RYR1: variants seen among roughly 807,000 people sequenced by gnomAD.
RYR1 encodes the protein central core disease of muscle.
RYR1 carries 342 observed loss-of-function variants against 583.5 expected under a neutral mutation model. The ratio of observed to expected loss-of-function variants is 0.59; its 90% CI spans 0.54 to 0.64. The LOEUF (loss-of-function observed/expected upper bound fraction) is 0.64, where lower values mean the gene tolerates loss of function less well. RYR1 is among the 30% of genes least tolerant of loss of function. RYR1 has a pLI of 0.00. For missense variants in RYR1, 6,032 were observed against 6,917.2 expected (o/e 0.87, Z 4.54); for synonymous variants, 2,791 against 2,822.5 (o/e 0.99, Z 0.35).
intron 54 of RYR1, 103 bp downstream of exon 54, chr19:38,506,049 G>A: frequency 6.7e-7 from 1 of 1,489,110 alleles, no homozygotes; most frequent in Non-Finnish European, 9.1e-7. Context: ...AGGGGCCCAG[G>A]GAGGTAGGTG....
In RYR1 at chr19:38,499,772, G is replaced by A; in HGVS notation, c.7165G>A (p.Asp2389Asn). The A allele has an allele frequency of 6.2e-7, 1 of 1,602,968 alleles. No homozygotes were observed. Among genetic ancestry groups the A allele is most frequent in the Non-Finnish European group, 8.5e-7 (1 of 1,179,088 alleles). Residue 2389 changes from aspartate (D) to asparagine (N), a missense_variant, in exon 44 of 106, where the codon GAC (aspartate) becomes AAC (asparagine). This residue lies in a region of RYR1 where 2,627 missense variants were observed against 2,961.3 expected (regional missense o/e 0.89). Coordinates refer to ENST00000359596, the MANE Select transcript of RYR1 (RefSeq NM_000540.3). This position sits in a 1 kb window ranked among gnomAD's most constrained non-coding sequence, Gnocchi z 7.3. The stretch of plus-strand genomic sequence containing the variant: ...CGAAGAGGCCATCCGCATCTCCGAG[G>A]ACCCTGCGAGGGATGGCCCAGGCAT... ...AIEEAIRISEDPARDGPGIRR... is the reference protein window; with the variant it reads ...AIEEAIRISENPARDGPGIRR...
chr19:38,478,315 C>T (rs1056971373), intron 30 of RYR1, 120 bp from the exon 31 acceptor site: 21 of 1,077,330 alleles, frequency 1.9e-5, no homozygotes, highest in Admixed American at 3.8e-5. Flanking sequence ...GGTCTGCAGG[C>T]GGTGGGTGTT....
intron 20 of RYR1, among the ~76,000 whole-genome samples, 197 bp downstream of exon 20, chr19:38,460,788 G>A (rs1967695969): frequency 6.6e-6 from 1 of 152,182 alleles, no homozygotes; most frequent in South Asian, 2.1e-4. Flanking sequence ...GACCAGCCTG[G>A]CCAACACGGT....
intron 92 of RYR1, among the ~76,000 whole-genome samples, chr19:38,567,352 T>G (rs1040144689): frequency 6.6e-6 from 1 of 151,722 alleles, no homozygotes; most frequent in Admixed American, 6.6e-5. Flanking sequence ...TATGGAGAGA[T>G]AGAAAAATGA....
At position 38,587,360 on chromosome 19, in the gene RYR1, T is replaced by C. The variant is rs1407427656; in HGVS notation, c.15057T>C (p.Cys5019=). 4 of 1,614,038 alleles carry C rather than the reference T, an allele frequency of 2.5e-6. No homozygotes were observed. Among genetic ancestry groups the C allele is most frequent in the South Asian group, 2.2e-5 (2 of 91,084 alleles). The change falls in exon 106 of 106, where the codon TGT becomes TGC. Residue 5019 remains cysteine (C), a synonymous_variant. Coordinates refer to ENST00000359596, the MANE Select transcript of RYR1 (RefSeq NM_000540.3). Reference sequence around the variant, plus strand: ...TCTGGAAGATGTACCAAGAGAGATGTTGGGATTTCTTCCCAGCTGGTGATT... The same window carrying C: ...TCTGGAAGATGTACCAAGAGAGATGCTGGGATTTCTTCCCAGCTGGTGATT... The part of the protein sequence containing the change: ...SYVWKMYQER[C]WDFFPAGDCF...
Position 38,464,668 on chromosome 19 carries a change from G to T in RYR1, c.2816G>T (p.Gly939Val), listed in dbSNP as rs1446496614. The change falls in exon 23 of 106, where the codon GGC becomes GTC. Residue 939 changes from glycine to valine, a missense_variant. Around this residue, in one of 11 missense-constraint regions of RYR1, gnomAD observed 2,627 missense variants for 2,961.3 expected, o/e 0.89. Coordinates refer to ENST00000359596, the MANE Select transcript of RYR1 (RefSeq NM_000540.3). Reference sequence around the variant, plus strand: ...CTGCTGGCTCTGGGCTGCCACGTGGGCATGGCGGATGAGAAGGCGGAGGAC... The same window carrying T: ...CTGCTGGCTCTGGGCTGCCACGTGGTCATGGCGGATGAGAAGGCGGAGGAC... ...KTLLALGCHV[G>V]MADEKAEDNL... The T allele has an allele frequency of 6.3e-7, 1 of 1,593,152 alleles. No individual in the cohort carries two copies. Among genetic ancestry groups the T allele is most frequent in the African/African-American group, 1.3e-5 (1 of 74,770 alleles).
At chr19:38,530,430 ATTTT>A (rs142263877) in intron 76 of RYR1, among the ~76,000 whole-genome samples, 1 of 128,662 alleles carries the variant, frequency 7.8e-6, no homozygotes. Context: ...ATGCCTGGCT[ATTTT>A]TTTTTTTTTT....
chr19:38,529,883 C>T (rs1971653835), intron 76 of RYR1, among the ~76,000 whole-genome samples: 1 of 152,176 alleles, frequency 6.6e-6, no homozygotes, highest in South Asian at 2.1e-4. Context: ...TCTATATCCT[C>T]TCACTTAACC....
chr19:38,465,013 G>A (rs1455747350), intron 23 of RYR1, among the ~76,000 whole-genome samples: 1 of 152,120 alleles, frequency 6.6e-6, no homozygotes, highest in Non-Finnish European at 1.5e-5. Context: ...GTCCACGTAA[G>A]GGGTAAGGGG....
Position 38,444,463 on chromosome 19 carries a change from G to T in RYR1, c.538-121G>T, listed in dbSNP as rs1972841142. On this transcript the variant is annotated intron_variant, in intron 6 of 105. Coordinates refer to ENST00000359596, the MANE Select transcript of RYR1 (RefSeq NM_000540.3). The surrounding 1 kb of genome is among the most constrained non-coding windows in gnomAD (Gnocchi z 5.1). ...GATCATTTCCTGATCTGTGATCTCTGATGACTCTGTCTCCCATCTGCCGGT... is the reference window on the plus strand; with the variant it reads ...GATCATTTCCTGATCTGTGATCTCTTATGACTCTGTCTCCCATCTGCCGGT... 1.1e-6 allele frequency: 1 copy of T among 902,584 alleles called. No individual in the cohort carries two copies. The highest frequency in any genetic ancestry group is 1.7e-5 in the African/African-American group (1 of 60,538). The allele number at this position is 902,584 out of a possible 1,614,324, so 55.9% of individuals were successfully genotyped here. A position where few individuals can be genotyped will look rare whatever the true frequency, so the allele number is the denominator to read the frequency against.
In RYR1 at chr19:38,561,379, G is replaced by A; in HGVS notation, c.12549G>A (p.Met4183Ile). Residue 4183 changes from methionine to isoleucine, a missense_variant, in exon 90 of 106, where the codon ATG (methionine) becomes ATA (isoleucine). By Grantham distance (10) the Met-to-Ile change is conservative (BLOSUM62 1). This residue lies in a region of RYR1 where 753 missense variants were observed against 759.6 expected (regional missense o/e 0.99). Coordinates refer to ENST00000359596, the MANE Select transcript of RYR1 (RefSeq NM_000540.3). This position sits in a 1 kb window ranked among gnomAD's most constrained non-coding sequence, Gnocchi z 4.8. ...CCTACCTGGGCCGCATCGAGATCAT[G>A]GGCGCGTCACGCCGCATCGAGCGCA... ...FRPYLGRIEI[M>I]GASRRIERIY... The A allele has an allele frequency of 6.2e-7, 1 of 1,613,562 alleles. No homozygotes were observed. The highest frequency in any genetic ancestry group is 8.5e-7 in the Non-Finnish European group (1 of 1,179,996).
chr19:38,469,616 A>C, intron 27 of RYR1, 103 bp downstream of exon 27: 1 of 1,198,594 alleles, frequency 8.3e-7, no homozygotes. Flanking sequence ...TTAGGACACA[A>C]ACCACATGGA....
rs749615354 is a variant in RYR1 at position 38,496,228 on chromosome 19, A to G, written c.6562A>G (p.Asn2188Asp). 1.2e-6 allele frequency: 2 copies of G among 1,613,694 alleles called. No homozygotes were observed. The highest frequency in any genetic ancestry group is 2.7e-5 in the African/African-American group (2 of 75,022). The stretch of plus-strand genomic sequence containing the variant: ...GCCCGTGCACAGGAACATCATGAAC[A>G]ACAAAGTCTTCTACCAACACCCGAA... The part of the protein sequence containing the change: ...MIQSIGNIMN[N>D]KVFYQHPNLM... Residue 2188 changes from asparagine to aspartate, a missense_variant, in exon 40 of 106, where the codon AAC (asparagine) becomes GAC (aspartate). Around this residue, in one of 11 missense-constraint regions of RYR1, gnomAD observed 2,627 missense variants for 2,961.3 expected, o/e 0.89. Transcript: ENST00000359596. The surrounding 1 kb of genome is among the most constrained non-coding windows in gnomAD (Gnocchi z 4.8).
chr19:38,523,956 C>T (rs1030453990), intron 70 of RYR1, 27 bp downstream of exon 70: 3 of 1,613,468 alleles, frequency 1.9e-6, no homozygotes, highest in African/African-American at 1.3e-5. Flanking sequence ...GGACCTTCCG[C>T]ATGTCTCTTG....
At chr19:38,540,388 T>C (rs1306111393) in intron 84 of RYR1, among the ~76,000 whole-genome samples, 1 of 140,992 alleles carries the variant, frequency 7.1e-6, no homozygotes, top group Non-Finnish European at 1.5e-5. Context: ...CCTCCAATCA[T>C]ATACTACAGT....
rs1437384035 is a variant in RYR1, at chr19:38,489,461, GC to G, written c.5814+19del. 6.2e-7 allele frequency: 1 copy of G among 1,613,820 alleles called. No homozygotes were observed. Among genetic ancestry groups the G allele is most frequent in the Admixed American group, 1.7e-5 (1 of 60,010 alleles). On this transcript the variant is annotated intron_variant, in intron 35 of 105. Coordinates refer to ENST00000359596, the MANE Select transcript of RYR1 (RefSeq NM_000540.3). Reference sequence around the variant, plus strand: ...AGTTACAGGTGGGCTGCTGCTTCCTGCTTTTCGGCCTCTGTCCATCTGGGCT... The same window carrying G: ...AGTTACAGGTGGGCTGCTGCTTCCTGTTTTCGGCCTCTGTCCATCTGGGCT...
chr19:38,509,264 GTTAC>G (rs1970615616), intron 58 of RYR1, among the ~76,000 whole-genome samples: 1 of 152,018 alleles, frequency 6.6e-6, no homozygotes, highest in East Asian at 1.9e-4. Context: ...CCATGGTTCT[GTTAC>G]TTACTGGGTG....
In RYR1 at chr19:38,455,501, T is replaced by C. The variant is rs946863283; in HGVS notation, c.1627T>C (p.Leu543=). The stretch of plus-strand genomic sequence containing the variant: ...CAACTGTGCCCTCTTCTCCACAAAC[T>C]TGGACTGGCTGGTCAGCAAGCTGGA... ...RSNCALFSTN[L]DWLVSKLDRL... Residue 543 remains leucine (L), a synonymous_variant, in exon 15 of 106, where the codon TTG becomes CTG. Coordinates refer to ENST00000359596, the MANE Select transcript of RYR1 (RefSeq NM_000540.3). 1.2e-6 allele frequency: 2 copies of C among 1,614,012 alleles called. No homozygotes were observed. Among genetic ancestry groups the C allele is most frequent in the African/African-American group, 1.3e-5 (1 of 74,908 alleles).
intron 13 of RYR1, 61 bp downstream of exon 13, chr19:38,453,075 G>A (rs1254095844): frequency 6.4e-7 from 1 of 1,566,702 alleles, no homozygotes; most frequent in South Asian, 1.1e-5. Context: ...CCACTGAGGG[G>A]CGGGGCCACG....
Sources: gnomAD v4.1 joint callset for allele counts (sites outside exome capture counted in the v4.1 genomes callset) on GRCh38, gnomAD v4.1.1 for gene constraint, gnomAD v4.1.1 regional missense constraint, Gnocchi (gnomAD v3.1) non-coding constraint, MANE v1.5 for transcripts, NCBI Gene and HGNC (gene_info 2026-07-23, HGNC 2026-07-21) for gene names.